ZBTB46: variants seen among roughly 807,000 people sequenced by gnomAD.
The protein encoded by ZBTB46 is zinc finger and BTB domain containing 46.
ZBTB46 carries 8 observed loss-of-function variants against 44.1 expected under a neutral mutation model. The ratio of observed to expected loss-of-function variants is 0.18; its 90% CI spans 0.11 to 0.33. ZBTB46 has a LOEUF of 0.33. ZBTB46 is among the 10% of genes least tolerant of loss of function. ZBTB46 has a pLI of 1.00. For missense variants in ZBTB46, 651 were observed against 847.7 expected (o/e 0.77, Z 2.88); for synonymous variants, 409 against 382.3 (o/e 1.07, Z -0.81).
chr20:63,754,093 G>C (rs13041528), intron 3 of ZBTB46, among the ~76,000 whole-genome samples: 23,766 of 152,264 alleles, frequency 0.16, 2,295 homozygotes, highest in East Asian at 0.48. Flanking sequence ...TGAGACTGGA[G>C]CATGTCTGTG....
intron 1 of ZBTB46, among the ~76,000 whole-genome samples, chr20:63,828,310 C>G (rs12479805): frequency 0.089 from 13,500 of 152,300 alleles, 1,020 homozygotes; most frequent in East Asian, 0.45. Flanking sequence ...AGCTACGCCG[C>G]AGCCGCGGCA....
intron 1 of ZBTB46, among the ~76,000 whole-genome samples, chr20:63,828,536 G>C (rs6011170): frequency 0.18 from 27,525 of 152,140 alleles, 3,026 homozygotes; most frequent in East Asian, 0.46. Context: ...CCAGTAGAGG[G>C]AAGTATCAAC....
chr20:63,755,042 G>GT (rs1397243140), intron 3 of ZBTB46, among the ~76,000 whole-genome samples: 1 of 152,132 alleles, frequency 6.6e-6, no homozygotes, highest in Non-Finnish European at 1.5e-5. Context: ...TAGAAACCCT[G>GT]TATTTTTTTA....
At position 63,782,376 on chromosome 20, in the gene ZBTB46, G is replaced by T. The variant is rs545900166; in HGVS notation, c.938-6414C>A. ...AGCGAGGATGGGAAGGGGCAGGAATGATGTCGGGCCACGAGCCAAGGATGC... is the reference window on the plus strand; with the variant it reads ...AGCGAGGATGGGAAGGGGCAGGAATTATGTCGGGCCACGAGCCAAGGATGC... On this transcript the variant is annotated intron_variant, in intron 2 of 4. Coordinates refer to ENST00000245663, the MANE Select transcript of ZBTB46 (RefSeq NM_001369741.1). Among the ~76,000 whole-genome samples the T allele has an allele frequency of 2.1e-3, 316 of 152,288 alleles. 1 individual carries two copies. Among genetic ancestry groups the T allele is most frequent in the African/African-American group, 7.3e-3 (302 of 41,576 alleles).
chr20:63,749,821 AGGCAGCAGG>A (rs2092143919), intron 4 of ZBTB46, among the ~76,000 whole-genome samples: 1 of 152,212 alleles, frequency 6.6e-6, no homozygotes, highest in African/African-American at 2.4e-5. Flanking sequence ...GCACCTGAGG[AGGCAGCAGG>A]GGCAGCTTGG....
intron 1 of ZBTB46, among the ~76,000 whole-genome samples, chr20:63,829,696 T>TA (rs1447114954): frequency 6.6e-6 from 1 of 152,222 alleles, no homozygotes; most frequent in Non-Finnish European, 1.5e-5. Context: ...CTCTGATAAA[T>TA]ACTGTCGCTT....
chr20:63,790,710 G>A lies in ZBTB46; in HGVS notation c.48C>T (p.His16=), dbSNP rs911991786. Residue 16 remains histidine (H), a synonymous_variant, in exon 2 of 5, where the codon CAC becomes CAT. Coordinates refer to ENST00000245663, the MANE Select transcript of ZBTB46 (RefSeq NM_001369741.1). ...TCTGCTCGTTGAGCTCCCGCAGCAG[G>A]TGCCGGTAGTGGGACGTGATTTCCA... ...EDMEITSHYR[H]LLRELNEQRQ... 1.1e-5 allele frequency: 17 copies of A among 1,610,682 alleles called. No individual in the cohort carries two copies. Among genetic ancestry groups the A allele is most frequent in the East Asian group, 6.7e-5 (3 of 44,858 alleles).
At chr20:63,761,985 C>T (rs2092281840) in intron 3 of ZBTB46, among the ~76,000 whole-genome samples, 1 of 152,034 alleles carries the variant, frequency 6.6e-6, no homozygotes, top group South Asian at 2.1e-4. Context: ...GAATTATGGC[C>T]CTGGTTGGTC....
chr20:63,774,510 G>A lies in ZBTB46; in HGVS notation c.1222+1168C>T, dbSNP rs6122166. ...ACGCCTGGACCCCAGCCGCGGAGGT[G>A]GGGGCATCTCATGCCGGACTCGCTC... On this transcript the variant is annotated intron_variant, in intron 3 of 4. Coordinates refer to ENST00000245663, the MANE Select transcript of ZBTB46 (RefSeq NM_001369741.1). Among the ~76,000 whole-genome samples the A allele has an allele frequency of 3.3e-5, 5 of 151,810 alleles. No individual in the cohort carries two copies. The South Asian group carries it at 1.0e-3, about 32-fold the overall frequency.
chr20:63,785,321 G>C (rs949118860), intron 2 of ZBTB46, among the ~76,000 whole-genome samples: 1 of 151,914 alleles, frequency 6.6e-6, no homozygotes, highest in Admixed American at 6.6e-5. Context: ...AGCACTTTGG[G>C]AGGCTGAGGC....
At chr20:63,791,495 CAAAAAA>C (rs59810640) in intron 1 of ZBTB46, among the ~76,000 whole-genome samples, 2 of 61,230 alleles carry the variant, frequency 3.3e-5, no homozygotes, top group Non-Finnish European at 3.1e-5. Flanking sequence ...GACTCCATCT[CAAAAAA>C]AAAAAAAAAA....
chr20:63,765,109 G>A lies in ZBTB46; in HGVS notation c.1222+10569C>T, dbSNP rs142225563. Among the ~76,000 whole-genome samples, 604 of 151,830 alleles carry A rather than the reference G, an allele frequency of 4.0e-3. 6 individuals are homozygous for A. The highest frequency in any genetic ancestry group is 0.014 in the African/African-American group (580 of 41,296). On this transcript the variant is annotated intron_variant, in intron 3 of 4. Coordinates refer to ENST00000245663, the MANE Select transcript of ZBTB46 (RefSeq NM_001369741.1). ...TGTGTGCATGTGTATGTGTGGTTGT[G>A]TGTGTGTGTGCGTGTGTGTGTGTGT... is the stretch of plus-strand genomic sequence containing the variant.
rs6011169 is a variant in ZBTB46 at position 63,825,465 on chromosome 20, G to T, written c.-34+5632C>A. ...CACTACCATCAAACCCCTCCCTCCC[G>T]GCTTCCCAGGGCCAGTTGTCCCCAT... On this transcript the variant is annotated intron_variant, in intron 1 of 4. Coordinates refer to ENST00000245663, the MANE Select transcript of ZBTB46 (RefSeq NM_001369741.1). 1.4e-3 allele frequency among the ~76,000 whole-genome samples: 122 copies of T among 89,200 alleles called. 1 individual carries two copies. Among genetic ancestry groups the T allele is most frequent in the Admixed American group, 2.6e-3 (20 of 7,590 alleles). 58.5% of individuals were successfully genotyped at this position (89,200 alleles called of 152,430 possible).
chr20:63,793,267 G>A lies in ZBTB46; in HGVS notation c.-33-2477C>T, dbSNP rs570643991. On this transcript the variant is annotated intron_variant, in intron 1 of 4. Transcript: ENST00000245663. ...TGCCGAAAAGGAAGAGATGACATTC[G>A]GAGCAGGCTGTGGGGAGGGGGTCAT... Among the ~76,000 whole-genome samples the A allele has an allele frequency of 6.8e-4, 103 of 152,316 alleles. 1 individual carries two copies. The South Asian group carries it at 0.011, about 16-fold the overall frequency.
At chr20:63,826,515 G>T (rs988026060) in intron 1 of ZBTB46, among the ~76,000 whole-genome samples, 4 of 151,534 alleles carry the variant, frequency 2.6e-5, no homozygotes, top group African/African-American at 9.7e-5. Context: ...GAGGTCAGGA[G>T]ATCGAGACCA....
intron 1 of ZBTB46, among the ~76,000 whole-genome samples, chr20:63,829,226 T>A (rs2092835344): frequency 6.6e-6 from 1 of 152,024 alleles, no homozygotes; most frequent in Non-Finnish European, 1.5e-5. Context: ...TAGGTAACAG[T>A]CCACCCAACC....
intron 3 of ZBTB46, among the ~76,000 whole-genome samples, chr20:63,771,135 T>C (rs12479927): frequency 0.71 from 84,152 of 118,730 alleles, 33,704 homozygotes; most frequent in East Asian, 0.94. Flanking sequence ...GCGTTCCTCC[T>C]GCTCTGAGGG....
chr20:63,768,003 G>A (rs1172891141), intron 3 of ZBTB46: 1 of 985,342 alleles, frequency 1.0e-6, no homozygotes, highest in Non-Finnish European at 1.2e-6. Flanking sequence ...AGACAGACAA[G>A]TTACAGACCG....
intron 2 of ZBTB46, among the ~76,000 whole-genome samples, chr20:63,779,648 T>C (rs962069054): frequency 2.0e-4 from 30 of 151,926 alleles, no homozygotes; most frequent in African/African-American, 6.8e-4. Flanking sequence ...TCTCGATCTC[T>C]TGACCTCGTG....
Sources: allele counts gnomAD v4.1 joint callset (sites outside exome capture counted in the v4.1 genomes callset), GRCh38; gene constraint gnomAD v4.1.1; transcripts MANE v1.5; gene names NCBI Gene and HGNC (gene_info 2026-07-23, HGNC 2026-07-21).